SDK1: variants seen among roughly 807,000 people sequenced by gnomAD.
The protein encoded by SDK1 is sidekick cell adhesion molecule 1.
A neutral mutation model predicts 245.5 loss-of-function variants in SDK1; 157 were observed. The ratio of observed to expected loss-of-function variants is 0.64; its 90% CI spans 0.56 to 0.73. The LOEUF is 0.73. SDK1 is among the 30% of genes least tolerant of loss of function. SDK1 has a pLI of 0.00. For synonymous variants in SDK1, 1,647 were observed against 1,278.5 expected (o/e 1.29, Z -6.15); for missense variants, 3,583 against 3,002.3 (o/e 1.19, Z -4.52).
In SDK1 at chr7:3,336,656, G is replaced by A. The variant is rs891230145; in HGVS notation, c.298+34772G>A. On this transcript the variant is annotated intron_variant, in intron 1 of 44. Transcript: ENST00000404826. ...GGGCCCCCGGGGGTCCTGAACTTCTGCTCCTGGATGCAGCAACAAACTGGC... is the reference window on the plus strand; with the variant it reads ...GGGCCCCCGGGGGTCCTGAACTTCTACTCCTGGATGCAGCAACAAACTGGC... 2.6e-5 allele frequency among the ~76,000 whole-genome samples: 4 copies of A among 151,216 alleles called. No homozygotes were observed. In the East Asian group the frequency reaches 7.8e-4, roughly 30 times the overall value.
chr7:4,110,862 C>G (rs78790964), intron 23 of SDK1, 90 bp downstream of exon 23: 7 of 845,522 alleles, frequency 8.3e-6, no homozygotes, highest in Middle Eastern at 2.2e-4. Context: ...CCCAGTCGTA[C>G]GTATGCAAAT....
chr7:3,943,619 C>T (rs746724557), intron 5 of SDK1, among the ~76,000 whole-genome samples: 45 of 151,568 alleles, frequency 3.0e-4, no homozygotes, highest in Non-Finnish European at 4.6e-4. Context: ...ACCCGGCGCA[C>T]GGTGCGGGGC....
intron 17 of SDK1, among the ~76,000 whole-genome samples, chr7:4,021,602 T>G (rs2128154151): frequency 6.6e-6 from 1 of 152,328 alleles, no homozygotes; most frequent in Non-Finnish European, 1.5e-5. Flanking sequence ...GTCACAAGCC[T>G]GCTGCTGCAG....
Position 3,347,490 on chromosome 7 carries a change from C to G in SDK1, c.298+45606C>G, listed in dbSNP as rs549179679. On this transcript the variant is annotated intron_variant, in intron 1 of 44. Transcript: ENST00000404826. ...TTCTCTGATTACTACAGTCAAGGCT[C>G]CAGAACCCTAGCCATTGGGCTCAAA... Among the ~76,000 whole-genome samples, 94 of 152,254 alleles carry G rather than the reference C, an allele frequency of 6.2e-4. 1 individual carries two copies. The highest frequency in any genetic ancestry group is 2.5e-3 in the East Asian group (13 of 5,170).
intron 1 of SDK1, among the ~76,000 whole-genome samples, chr7:3,488,105 A>G (rs1281814430): frequency 6.6e-6 from 1 of 152,098 alleles, no homozygotes; most frequent in Non-Finnish European, 1.5e-5. Flanking sequence ...TCTTGTGCAG[A>G]TTCATCTCTT....
chr7:3,520,034 G>A (rs1001403659), intron 1 of SDK1, among the ~76,000 whole-genome samples: 1 of 152,102 alleles, frequency 6.6e-6, no homozygotes, highest in African/African-American at 2.4e-5. Context: ...CTGCATTTGG[G>A]AAAGAAAGGT....
At chr7:4,213,513 A>C (rs1343965216) in intron 38 of SDK1, among the ~76,000 whole-genome samples, 1 of 151,166 alleles carries the variant, frequency 6.6e-6, no homozygotes, top group African/African-American at 2.4e-5. Flanking sequence ...TGAACCCGGG[A>C]GGTGGAGGCT....
chr7:3,726,303 C>G (rs1583346765), intron 4 of SDK1, among the ~76,000 whole-genome samples: 2 of 152,218 alleles, frequency 1.3e-5, no homozygotes, highest in African/African-American at 2.4e-5. Context: ...TCTGTTAATT[C>G]TGATCAGTGT....
intron 4 of SDK1, among the ~76,000 whole-genome samples, chr7:3,748,068 CATG>C (rs1240059287): frequency 2.6e-5 from 4 of 151,966 alleles, no homozygotes; most frequent in Admixed American, 6.6e-5. Flanking sequence ...TAGTATGTAT[CATG>C]ATCATTATAT....
chr7:3,924,052 G>A (rs1327810144), intron 5 of SDK1, among the ~76,000 whole-genome samples: 1 of 151,732 alleles, frequency 6.6e-6, no homozygotes, highest in African/African-American at 2.4e-5. Context: ...AGGAAGAGGT[G>A]CAGAATGGGA....
chr7:3,802,261 C>A (rs1053138540), intron 4 of SDK1, among the ~76,000 whole-genome samples: 2 of 152,110 alleles, frequency 1.3e-5, no homozygotes, highest in Non-Finnish European at 2.9e-5. Flanking sequence ...GCTGGTCTCA[C>A]GCCTGTAATC....
chr7:4,208,795 G>A (rs1252297088), intron 37 of SDK1, among the ~76,000 whole-genome samples: 4 of 152,248 alleles, frequency 2.6e-5, no homozygotes, highest in African/African-American at 9.6e-5. Context: ...AGTCCCGAGG[G>A]CTCAGACAGG....
chr7:4,058,469 G>T (rs534471621), intron 19 of SDK1, among the ~76,000 whole-genome samples: 2 of 152,298 alleles, frequency 1.3e-5, no homozygotes, highest in Non-Finnish European at 2.9e-5. Flanking sequence ...TCTAGCAAGA[G>T]ATTTAGACAT....
chr7:3,920,152 GAGAGC>G (rs1262205234), intron 5 of SDK1, among the ~76,000 whole-genome samples: 1 of 152,226 alleles, frequency 6.6e-6, no homozygotes, highest in East Asian at 1.9e-4. Context: ...GAAAATGATG[GAGAGC>G]AGCACTGAGG....
At chr7:4,237,598 A>G in intron 41 of SDK1, 49 bp from the exon 42 acceptor site, 1 of 1,610,912 alleles carries the variant, frequency 6.2e-7, no homozygotes, top group Admixed American at 1.7e-5. Flanking sequence ...AGGTGACTGC[A>G]GCTGGAGCGT....
intron 4 of SDK1, among the ~76,000 whole-genome samples, chr7:3,656,921 G>C (rs976869275): frequency 2.0e-5 from 3 of 151,576 alleles, no homozygotes; most frequent in African/African-American, 7.3e-5. Flanking sequence ...CTAATTTTTT[G>C]TATTTTTAGT....
At chr7:4,004,564 T>G (rs941400490) in intron 14 of SDK1, among the ~76,000 whole-genome samples, 5 of 152,192 alleles carry the variant, frequency 3.3e-5, no homozygotes, top group African/African-American at 1.2e-4. Flanking sequence ...AATAGACACT[T>G]TCTAAGAACT....
intron 1 of SDK1, among the ~76,000 whole-genome samples, chr7:3,350,610 A>G (rs980293027): frequency 1.6e-4 from 24 of 152,322 alleles, no homozygotes; most frequent in African/African-American, 5.5e-4. Context: ...ACTCTAGACC[A>G]TGATAGAGCC....
At chr7:4,231,276 A>G (rs1330039115) in intron 40 of SDK1, among the ~76,000 whole-genome samples, 3 of 152,116 alleles carry the variant, frequency 2.0e-5, no homozygotes, top group Non-Finnish European at 4.4e-5. Context: ...AATATTTAGA[A>G]ATAATGGCCA....
Sources: allele counts gnomAD v4.1 joint callset (sites outside exome capture counted in the v4.1 genomes callset), GRCh38; gene constraint gnomAD v4.1.1; transcripts MANE v1.5; gene names NCBI Gene and HGNC (gene_info 2026-07-23, HGNC 2026-07-21).